Variants in MYO1B observed in about 807,000 individuals in gnomAD.
MYO1B encodes unconventional myosin-Ib.
In MYO1B, 72 loss-of-function variants were observed where a neutral mutation model predicts 159.7. The observed-to-expected ratio is 0.45, with a 90% CI of 0.37 to 0.55. The LOEUF is 0.55. Among genes scored for constraint, MYO1B ranks in the 20% least tolerant of loss-of-function variants. MYO1B has a pLI of 0.00. For missense variants in MYO1B, 1,062 were observed against 1,364.8 expected (o/e 0.78, Z 3.50); for synonymous variants, 468 against 473.8 (o/e 0.99, Z 0.16).
At chr2:191,322,844 G>T (rs971095560) in intron 3 of MYO1B, among the ~76,000 whole-genome samples, 2 of 152,108 alleles carry the variant, frequency 1.3e-5, no homozygotes, top group Admixed American at 1.3e-4. Flanking sequence ...AGAATTTGGG[G>T]TGAGACCACA....
intron 20 of MYO1B, among the ~76,000 whole-genome samples, chr2:191,395,830 T>A (rs1482756667): frequency 6.6e-6 from 1 of 152,258 alleles, no homozygotes; most frequent in Non-Finnish European, 1.5e-5. Flanking sequence ...TGTGTTCACT[T>A]CAACTCCTTG....
At chr2:191,354,085 G>A (rs1423381483) in intron 7 of MYO1B, among the ~76,000 whole-genome samples, 4 of 151,798 alleles carry the variant, frequency 2.6e-5, no homozygotes, top group African/African-American at 7.3e-5. Context: ...GTGAAACCCC[G>A]TCTCTCCTAA....
At chr2:191,302,425 C>A (rs1052678646) in intron 3 of MYO1B, among the ~76,000 whole-genome samples, 2 of 152,182 alleles carry the variant, frequency 1.3e-5, no homozygotes, top group Non-Finnish European at 2.9e-5. Flanking sequence ...TCAATGAAAT[C>A]AAAATGTACT....
intron 4 of MYO1B, among the ~76,000 whole-genome samples, chr2:191,336,462 A>T (rs1350212620): frequency 2.0e-5 from 3 of 152,212 alleles, no homozygotes; most frequent in African/African-American, 7.2e-5. Context: ...CTGTGTGAGA[A>T]AGACCCCTCT....
In MYO1B at chr2:191,341,535, C is replaced by G; in HGVS notation, c.421C>G (p.Gln141Glu). The part of the protein sequence containing the change: ...KGAEVNQVKE[Q>E]LLQSNPVLEA... ...AGCAGAAGTTAATCAAGTTAAAGAA[C>G]AGCTTTTACAGTCCAACCCGGTCCT... The change falls in exon 5 of 31, where the codon CAG becomes GAG. Residue 141 changes from glutamine to glutamate, a missense_variant. Gln to Glu is a conservative substitution (Grantham distance 29). This residue lies in a region of MYO1B where 415 missense variants were observed against 544.0 expected (regional missense o/e 0.76). Transcript: ENST00000392318. 6.2e-7 allele frequency: 1 copy of G among 1,613,826 alleles called. No homozygotes were observed. The highest frequency in any genetic ancestry group is 8.5e-7 in the Non-Finnish European group (1 of 1,179,856).
At chr2:191,250,428 G>T (rs549273269) in intron 1 of MYO1B, among the ~76,000 whole-genome samples, 1 of 152,236 alleles carries the variant, frequency 6.6e-6, no homozygotes, top group Non-Finnish European at 1.5e-5. Flanking sequence ...TGCATGGCAG[G>T]TCCTTGGTAC....
intron 3 of MYO1B, among the ~76,000 whole-genome samples, chr2:191,297,518 G>A (rs1048651174): frequency 1.3e-5 from 2 of 152,174 alleles, no homozygotes; most frequent in African/African-American, 2.4e-5. Context: ...TTACTTTTTC[G>A]CAGTAGCATC....
At chr2:191,398,942 T>C (rs11886271) in intron 21 of MYO1B, among the ~76,000 whole-genome samples, 2,902 of 152,232 alleles carry the variant, frequency 0.019, 90 homozygotes, top group African/African-American at 0.066. Flanking sequence ...TGTAGTGAGC[T>C]GAGATCACGC....
intron 21 of MYO1B, among the ~76,000 whole-genome samples, chr2:191,397,795 G>A (rs1696230669): frequency 1.4e-5 from 2 of 145,498 alleles, no homozygotes; most frequent in African/African-American, 5.1e-5. Context: ...CTCACCTCCC[G>A]GATGGGGCGT....
rs1474345391 is a variant in MYO1B, at chr2:191,398,750, CG to C, written c.2296-1630del. On this transcript the variant is annotated intron_variant, in intron 21 of 30. Coordinates refer to ENST00000392318, the MANE Select transcript of MYO1B (RefSeq NM_001130158.3). Reference sequence around the variant, plus strand: ...GCTCCTCGCTTCCTAGATGGGATGGCGGCCGGGCAGAGACGCTCCTCACTTT... The same window carrying C: ...GCTCCTCGCTTCCTAGATGGGATGGCGCCGGGCAGAGACGCTCCTCACTTT... Among the ~76,000 whole-genome samples the C allele has an allele frequency of 2.0e-5, 3 of 151,538 alleles. No homozygotes were observed. In the East Asian group the frequency reaches 5.9e-4, roughly 30 times the overall value.
intron 30 of MYO1B, among the ~76,000 whole-genome samples, chr2:191,422,592 T>C (rs1172364422): frequency 1.3e-5 from 2 of 152,206 alleles, no homozygotes; most frequent in Non-Finnish European, 2.9e-5. Flanking sequence ...TAAAGATATA[T>C]GTGGTAGATC....
At chr2:191,346,035 A>G (rs955146620) in intron 5 of MYO1B, among the ~76,000 whole-genome samples, 14 of 152,336 alleles carry the variant, frequency 9.2e-5, no homozygotes, top group African/African-American at 3.4e-4. Flanking sequence ...CTCTTTTTCT[A>G]TGAACTTGTA....
intron 7 of MYO1B, among the ~76,000 whole-genome samples, chr2:191,354,827 G>A (rs1208016615): frequency 6.6e-6 from 1 of 152,196 alleles, no homozygotes; most frequent in Non-Finnish European, 1.5e-5. Context: ...AGCTTGCACA[G>A]TTTCAGGGGC....
At chr2:191,295,602 A>C (rs1003543240) in intron 2 of MYO1B, among the ~76,000 whole-genome samples, 1 of 152,196 alleles carries the variant, frequency 6.6e-6, no homozygotes. Context: ...ACGTGATCTG[A>C]GCCCATTGTG....
At position 191,338,726 on chromosome 2, in the gene MYO1B, A is replaced by C. The variant is rs536790421; in HGVS notation, c.347-2735A>C. On this transcript the variant is annotated intron_variant, in intron 4 of 30. Coordinates refer to ENST00000392318, the MANE Select transcript of MYO1B (RefSeq NM_001130158.3). ...TTTCAGAGGACTCAATGTAGCCGTG[A>C]ATCTGAATTTTGAGGTTTTGAAGTT... 3.3e-5 allele frequency among the ~76,000 whole-genome samples: 5 copies of C among 152,332 alleles called. No homozygotes were observed. The East Asian group carries it at 9.6e-4, about 29-fold the overall frequency.
chr2:191,389,322 C>T (rs1053503274), intron 17 of MYO1B, among the ~76,000 whole-genome samples: 1 of 152,222 alleles, frequency 6.6e-6, no homozygotes, highest in African/African-American at 2.4e-5. Context: ...AGTTAGGACA[C>T]AGGGATTGCT....
chr2:191,348,944 T>C (rs1308262974), intron 6 of MYO1B, among the ~76,000 whole-genome samples: 2 of 152,212 alleles, frequency 1.3e-5, no homozygotes, highest in Non-Finnish European at 2.9e-5. Flanking sequence ...TGCCAATTCT[T>C]ATGCCTACTC....
At chr2:191,390,658 T>C (rs185671473) in intron 18 of MYO1B, among the ~76,000 whole-genome samples, 166 bp downstream of exon 18, 3 of 152,348 alleles carry the variant, frequency 2.0e-5, no homozygotes, top group East Asian at 3.9e-4. Flanking sequence ...AAGGTCAAAA[T>C]AAGACTTACC....
intron 25 of MYO1B, 143 bp downstream of exon 25, chr2:191,408,332 G>T (rs567837265): frequency 9.2e-5 from 54 of 589,686 alleles, no homozygotes; most frequent in African/African-American, 7.9e-4. Context: ...GACACTGAGA[G>T]TTAGTTATCT....
Sources: allele counts gnomAD v4.1 joint callset (sites outside exome capture counted in the v4.1 genomes callset), GRCh38; gene constraint gnomAD v4.1.1; regional missense constraint gnomAD v4.1.1; transcripts MANE v1.5; gene names NCBI Gene and HGNC (gene_info 2026-07-23, HGNC 2026-07-21).